FLT4: variants seen among roughly 807,000 people sequenced by gnomAD.
The protein encoded by FLT4 is vascular endothelial growth factor receptor 3.
Under a neutral mutation model 163.2 loss-of-function variants are expected in FLT4, and 30 were observed. The ratio of observed to expected loss-of-function variants is 0.18; its 90% CI spans 0.14 to 0.25. FLT4 has a LOEUF of 0.25. Ranked by LOEUF, FLT4 falls within the 10% of genes least tolerant of loss-of-function variation. The pLI is 1.00. For missense variants in FLT4, 1,510 were observed against 1,863.8 expected (o/e 0.81, Z 3.50); for synonymous variants, 884 against 789.5 (o/e 1.12, Z -2.01).
At chr5:180,612,471 A>T (rs2127793776) in intron 26 of FLT4, 35 bp downstream of exon 26, 1 of 1,506,136 alleles carries the variant, frequency 6.6e-7, no homozygotes, top group Non-Finnish European at 9.2e-7. Context: ...CAGGGGCCAA[A>T]GGCCATAGTA....
intron 1 of FLT4, among the ~76,000 whole-genome samples, chr5:180,638,504 C>T (rs1473955558): frequency 6.6e-6 from 1 of 152,206 alleles, no homozygotes; most frequent in African/African-American, 2.4e-5. Flanking sequence ...TGCCTCTGGG[C>T]CCCGCTCCCT....
chr5:180,644,021 C>A (rs1435467417), intron 1 of FLT4, among the ~76,000 whole-genome samples: 1 of 152,282 alleles, frequency 6.6e-6, no homozygotes, highest in Middle Eastern at 3.4e-3. Flanking sequence ...GGGGTTTCAC[C>A]GTGTTGGCCA....
At chr5:180,611,204 C>G in intron 27 of FLT4, 127 bp downstream of exon 27, 4 of 1,178,738 alleles carry the variant, frequency 3.4e-6, no homozygotes, top group Non-Finnish European at 5.0e-6. Context: ...ACTCTGTGCT[C>G]TGAGTTTGTG....
rs373021496 is a variant in FLT4 at position 180,631,782 on chromosome 5, G to A, written c.59-4C>T. ...ATGGAGTAGCCACTCACCAGGCCTG[G>A]GGTGGGAGACAGGGTCAGCGTGGTG... On this transcript the variant is annotated splice_region_variant and splice_polypyrimidine_tract_variant and intron_variant, in intron 1 of 29. Coordinates refer to ENST00000261937, the MANE Select transcript of FLT4 (RefSeq NM_182925.5). 6.2e-7 allele frequency: 1 copy of A among 1,603,946 alleles called. No individual in the cohort carries two copies. The highest frequency in any genetic ancestry group is 1.3e-5 in the African/African-American group (1 of 74,810).
At chr5:180,638,348 T>C (rs1229881174) in intron 1 of FLT4, among the ~76,000 whole-genome samples, 1 of 152,070 alleles carries the variant, frequency 6.6e-6, no homozygotes, top group East Asian at 1.9e-4. Context: ...CCCCAGATCC[T>C]CTCCCAGCCC....
At chr5:180,613,152 G>T in intron 24 of FLT4, 42 bp from the exon 25 acceptor site, 1 of 1,460,986 alleles carries the variant, frequency 6.8e-7, no homozygotes, top group Non-Finnish European at 9.6e-7. Context: ...CAAGCCTCCT[G>T]CGGCTCAGCC....
At chr5:180,624,191 G>A (rs1297697617) in intron 10 of FLT4, 130 bp from the exon 11 acceptor site, 9 of 1,044,108 alleles carry the variant, frequency 8.6e-6, no homozygotes, top group South Asian at 1.3e-5. Context: ...GCTGGCCCTC[G>A]GGCCTGGGTG....
At position 180,609,872 on chromosome 5, in the gene FLT4, G is replaced by A. The variant is rs201290417; in HGVS notation, c.3807+33C>T. 6.1e-4 allele frequency: 982 copies of A among 1,613,422 alleles called. 6 individuals carry two copies. The African/African-American group carries it at 0.012, about 19-fold the overall frequency. On this transcript the variant is annotated intron_variant, in intron 28 of 29. Coordinates refer to ENST00000261937, the MANE Select transcript of FLT4 (RefSeq NM_182925.5). ...CCTGAGGCGGCCCCAGCCCTGAGCC[G>A]AGAGCGCAGCCCCCACCCTTCATGT...
At chr5:180,624,610 T>C (rs963457043) in intron 10 of FLT4, among the ~76,000 whole-genome samples, 2 of 152,302 alleles carry the variant, frequency 1.3e-5, no homozygotes, top group Admixed American at 6.5e-5. Flanking sequence ...CAGCTTCCTG[T>C]GCCCACTGTC....
chr5:180,624,050 T>TGCC lies in FLT4; in HGVS notation c.1430_1432dup (p.Arg477dup), dbSNP rs1330357252. 1.2e-6 allele frequency: 2 copies of TGCC among 1,612,376 alleles called. No homozygotes were observed. Among genetic ancestry groups the TGCC allele is most frequent in the Admixed American group, 1.7e-5 (1 of 59,996 alleles). ...GCACTGTGGCATGAGGTCTTGCTGC[T>TGCC]GCCGCCGCCGGCTGCCAGGACCAGA... On this transcript the variant is annotated inframe_insertion, in exon 11 of 30. Coordinates refer to ENST00000261937, the MANE Select transcript of FLT4 (RefSeq NM_182925.5).
At chr5:180,605,731 T>C (rs1761746932) in intron 29 of FLT4, among the ~76,000 whole-genome samples, 1 of 152,218 alleles carries the variant, frequency 6.6e-6, no homozygotes, top group South Asian at 2.1e-4. Context: ...AGGGGCCAGC[T>C]AGTCTCTTAC....
chr5:180,608,911 C>T, intron 29 of FLT4, 57 bp downstream of exon 29: 1 of 1,443,780 alleles, frequency 6.9e-7, no homozygotes, highest in African/African-American at 1.4e-5. Flanking sequence ...CAGCCTCCCT[C>T]CTCCAGGGGA....
chr5:180,620,739 C>CGT lies in FLT4; in HGVS notation c.2300-26_2300-25dup, dbSNP rs57822329. ...GCCTGCGTGGGCAGAAAGGGGCCGG[C>CGT]GTGTGTGTGTGTGTGTGTAAGAGCG... On this transcript the variant is annotated intron_variant, in intron 15 of 29. Coordinates refer to ENST00000261937, the MANE Select transcript of FLT4 (RefSeq NM_182925.5). The surrounding 1 kb of genome is among the most constrained non-coding windows in gnomAD (Gnocchi z 4.4). 0.032 allele frequency: 48,403 copies of CGT among 1,494,502 alleles called. 224 individuals are homozygous for CGT. The highest frequency in any genetic ancestry group is 0.066 in the African/African-American group (4,782 of 72,922). 92.6% of individuals were successfully genotyped at this position (1,494,502 alleles called of 1,614,324 possible). A position where few individuals can be genotyped will look rare whatever the true frequency, so the allele number is the denominator to read the frequency against.
chr5:180,626,963 G>A (rs545389908), intron 8 of FLT4, among the ~76,000 whole-genome samples: 4 of 152,278 alleles, frequency 2.6e-5, no homozygotes, highest in African/African-American at 7.2e-5. Flanking sequence ...CCCCTGCCTT[G>A]CTGTGTCTGT....
Position 180,609,959 on chromosome 5 carries a change from C to T in FLT4, c.3753G>A (p.Arg1251=), listed in dbSNP as rs142649193. The T allele has an allele frequency of 6.8e-6, 11 of 1,614,154 alleles. No individual in the cohort carries two copies. In the East Asian group the frequency reaches 1.1e-4, roughly 16 times the overall value. The change falls in exon 28 of 30, where the codon AGG becomes AGA. Residue 1251 remains arginine, a synonymous_variant. Transcript: ENST00000261937. ...ARGAETRGSS[R]MKTFEEFPMT... ...TGGGGAATTCCTCAAATGTCTTCAT[C>T]CTGGAGGAACCACGGGTCTCAGCCC...
intron 29 of FLT4, among the ~76,000 whole-genome samples, chr5:180,605,990 C>T (rs1397600190): frequency 1.3e-5 from 2 of 152,192 alleles, no homozygotes; most frequent in African/African-American, 4.8e-5. Context: ...ATAGATTCCT[C>T]CTTCTTCTCC....
rs2127791156 is a variant in FLT4, at chr5:180,611,358, C to T, written c.3659G>A (p.Ser1220Asn). The change falls in exon 27 of 30, where the codon AGC becomes AAC. Residue 1220 changes from serine (S) to asparagine (N), a missense_variant. Physicochemically the swap from Ser to Asn is conservative, Grantham distance 46. Around this residue, in one of 5 missense-constraint regions of FLT4, gnomAD observed 295 missense variants for 311.0 expected, o/e 0.95. Coordinates refer to ENST00000261937, the MANE Select transcript of FLT4 (RefSeq NM_182925.5). ...GGCGGCCAGGCTGTGGCGCTGCAGGCTTGGCGGGCTGTCCTCAGCGTCAGC... is the reference window on the plus strand; with the variant it reads ...GGCGGCCAGGCTGTGGCGCTGCAGGTTTGGCGGGCTGTCCTCAGCGTCAGC... ...AQADAEDSPP[S>N]LQRHSLAARY... The T allele has an allele frequency of 1.2e-6, 2 of 1,613,908 alleles. No homozygotes were observed. The highest frequency in any genetic ancestry group is 1.7e-6 in the Non-Finnish European group (2 of 1,179,998).
chr5:180,647,896 C>T (rs1765558664), intron 1 of FLT4, among the ~76,000 whole-genome samples: 1 of 152,142 alleles, frequency 6.6e-6, no homozygotes, highest in African/African-American at 2.4e-5. Context: ...TGTGCTCCAC[C>T]CGGGAGCACC....
At position 180,621,724 on chromosome 5, in the gene FLT4, A is replaced by T; in HGVS notation, c.1838T>A (p.Val613Glu). 6 of 1,612,980 alleles carry T rather than the reference A, an allele frequency of 3.7e-6. No individual in the cohort carries two copies. The highest frequency in any genetic ancestry group is 5.1e-6 in the Non-Finnish European group (6 of 1,179,952). The change falls in exon 13 of 30, where the codon GTG becomes GAG. Residue 613 changes from valine to glutamate, a missense_variant. Around this residue, in one of 5 missense-constraint regions of FLT4, gnomAD observed 878 missense variants for 1,016.7 expected, o/e 0.86. Coordinates refer to ENST00000261937, the MANE Select transcript of FLT4 (RefSeq NM_182925.5). ...GNPLLLDCKN[V>E]HLFATPLAAS... ...GGCCAGAGGGGTGGCGAACAGATGC[A>T]CGTTCTTGCAGTCGAGCAGAAGCGG...
Sources: allele counts gnomAD v4.1 joint callset (sites outside exome capture counted in the v4.1 genomes callset), GRCh38; gene constraint gnomAD v4.1.1; regional missense constraint gnomAD v4.1.1; non-coding constraint Gnocchi (gnomAD v3.1); transcripts MANE v1.5; gene names NCBI Gene and HGNC (gene_info 2026-07-23, HGNC 2026-07-21).